MCCC2: variants seen among roughly 807,000 people sequenced by gnomAD.
MCCC2 encodes the protein methylcrotonoyl-CoA carboxylase beta chain, mitochondrial.
Under a neutral mutation model 77.2 loss-of-function variants are expected in MCCC2, and 52 were observed. The ratio of observed to expected loss-of-function variants is 0.67; its 90% CI spans 0.54 to 0.85. The LOEUF (loss-of-function observed/expected upper bound fraction) is 0.85. Among genes scored for constraint, MCCC2 ranks in the 40% least tolerant of loss-of-function variants. The pLI, the probability that MCCC2 is intolerant of heterozygous loss-of-function variation, is 0.00. For missense variants in MCCC2, 682 were observed against 703.2 expected, an observed-to-expected ratio of 0.97 and a Z score of 0.34; for synonymous variants, 253 against 248.4, an observed-to-expected ratio of 1.02 and a Z score of -0.18.
At chr5:71,595,707 T>G (rs148510162) in intron 2 of MCCC2, among the ~76,000 whole-genome samples, 7 of 152,210 alleles carry the variant, frequency 4.6e-5, no homozygotes, top group African/African-American at 1.7e-4. Flanking sequence ...ATAATTTTCT[T>G]TGTCTGTCAT....
At chr5:71,593,093 T>C in intron 2 of MCCC2, 101 bp downstream of exon 2, 1 of 1,045,624 alleles carries the variant, frequency 9.6e-7, no homozygotes. Flanking sequence ...TTTGATATTT[T>C]TTTTTTTTTT....
At chr5:71,590,690 G>A (rs1180322130) in intron 1 of MCCC2, among the ~76,000 whole-genome samples, 1 of 152,098 alleles carries the variant, frequency 6.6e-6, no homozygotes, top group East Asian at 1.9e-4. Flanking sequence ...GGTGGCGCAC[G>A]CCTGTAATCC....
chr5:71,606,104 C>T (rs1478186094), intron 6 of MCCC2, among the ~76,000 whole-genome samples: 2 of 152,098 alleles, frequency 1.3e-5, no homozygotes, highest in African/African-American at 2.4e-5. Flanking sequence ...TTTTCCAATT[C>T]TGTGAAGAAA....
At chr5:71,587,787 A>AT (rs1744821524) in intron 1 of MCCC2, among the ~76,000 whole-genome samples, 1 of 152,082 alleles carries the variant, frequency 6.6e-6, no homozygotes, top group Non-Finnish European at 1.5e-5. Context: ...CTGGTTTAGA[A>AT]TTGCCACCTG....
At chr5:71,634,901 C>T (rs747157868) in intron 8 of MCCC2, 42 bp from the exon 9 acceptor site, 3 of 1,550,544 alleles carry the variant, frequency 1.9e-6, no homozygotes, top group Non-Finnish European at 2.7e-6. Context: ...TAATTATTTT[C>T]CTTTTCCCTG....
chr5:71,594,686 T>C (rs1222441746), intron 2 of MCCC2, among the ~76,000 whole-genome samples: 1 of 151,190 alleles, frequency 6.6e-6, no homozygotes, highest in African/African-American at 2.4e-5. Context: ...GGGAAGGAGG[T>C]AGGGAGAAGG....
At chr5:71,595,913 A>T (rs115808996) in intron 2 of MCCC2, among the ~76,000 whole-genome samples, 3,814 of 152,316 alleles carry the variant, frequency 0.025, 73 homozygotes, top group South Asian at 0.073. Context: ...ACAAATGAAG[A>T]TAGGAATTTT....
At chr5:71,640,863 A>T in intron 10 of MCCC2, 140 bp from the exon 11 acceptor site, 1 of 751,674 alleles carries the variant, frequency 1.3e-6, no homozygotes, top group Non-Finnish European at 2.3e-6. Flanking sequence ...GTCAAATGAA[A>T]TTCTAGTGAG....
intron 6 of MCCC2, among the ~76,000 whole-genome samples, chr5:71,626,438 C>T: frequency 6.6e-6 from 1 of 152,180 alleles, no homozygotes; most frequent in African/African-American, 2.4e-5. Context: ...AAAAGTGAGA[C>T]ATAAGCCCTT....
intron 6 of MCCC2, among the ~76,000 whole-genome samples, chr5:71,611,917 T>C (rs1407778925): frequency 6.6e-6 from 1 of 151,744 alleles, no homozygotes; most frequent in African/African-American, 2.4e-5. Flanking sequence ...GCCTCCTGAG[T>C]AGCTGGGACT....
In MCCC2 at chr5:71,618,539, TCC is replaced by T. The variant is rs1238104709; in HGVS notation, c.625-8100_625-8099del. ...TTCCTTCCTTCCTTCCTTCCTTCCT[TCC>T]TTCCTTCCTTTCTTTCTTTCTCTTT... On this transcript the variant is annotated intron_variant, in intron 6 of 16. Transcript: ENST00000340941. Among the ~76,000 whole-genome samples, 195 of 59,960 alleles carry T rather than the reference TCC, an allele frequency of 3.3e-3. 2 individuals are homozygous for T. Among genetic ancestry groups the T allele is most frequent in the African/African-American group, 9.6e-3 (182 of 19,048 alleles). 39.3% of individuals were successfully genotyped at this position (59,960 alleles called of 152,430 possible). A position where few individuals can be genotyped will look rare whatever the true frequency, so the allele number is the denominator to read the frequency against.
intron 7 of MCCC2, among the ~76,000 whole-genome samples, chr5:71,628,604 C>A (rs1746611912): frequency 6.6e-6 from 1 of 152,182 alleles, no homozygotes. Flanking sequence ...TGTGGATATG[C>A]AGTTGTTCCA....
chr5:71,609,663 GT>G (rs1745835374), intron 6 of MCCC2, among the ~76,000 whole-genome samples: 1 of 151,256 alleles, frequency 6.6e-6, no homozygotes, highest in Admixed American at 6.6e-5. Context: ...AGAGTTTCCA[GT>G]TTTTCTGTTC....
At chr5:71,625,028 C>G (rs1165971220) in intron 6 of MCCC2, among the ~76,000 whole-genome samples, 1 of 152,072 alleles carries the variant, frequency 6.6e-6, no homozygotes, top group African/African-American at 2.4e-5. Flanking sequence ...AATTCCTCTT[C>G]CTCTGTTTCC....
At chr5:71,628,401 C>T (rs1421987736) in intron 7 of MCCC2, among the ~76,000 whole-genome samples, 2 of 152,162 alleles carry the variant, frequency 1.3e-5, no homozygotes, top group Non-Finnish European at 2.9e-5. Context: ...CCAGTTTATG[C>T]ATTTTTTCCT....
chr5:71,593,675 A>C (rs1370158435), intron 2 of MCCC2, among the ~76,000 whole-genome samples: 1 of 152,072 alleles, frequency 6.6e-6, no homozygotes, highest in African/African-American at 2.4e-5. Flanking sequence ...GGTATGAGCC[A>C]CCACACCTGG....
intron 6 of MCCC2, among the ~76,000 whole-genome samples, chr5:71,614,298 C>G (rs1018436192): frequency 6.6e-6 from 1 of 152,018 alleles, no homozygotes; most frequent in African/African-American, 2.4e-5. Flanking sequence ...GATTTTAATA[C>G]TAACCTCTCC....
intron 6 of MCCC2, among the ~76,000 whole-genome samples, chr5:71,613,738 G>GA (rs1030279181): frequency 5.9e-5 from 9 of 151,864 alleles, no homozygotes; most frequent in African/African-American, 2.2e-4. Context: ...ACTGTCTCAA[G>GA]AAAATATACA....
At chr5:71,612,284 CAT>C (rs1305129354) in intron 6 of MCCC2, among the ~76,000 whole-genome samples, 3 of 152,016 alleles carry the variant, frequency 2.0e-5, no homozygotes, top group African/African-American at 4.8e-5. Context: ...TTAAGTTTGT[CAT>C]ATTTTTATTA....
Sources: allele counts gnomAD v4.1 joint callset (sites outside exome capture counted in the v4.1 genomes callset), GRCh38; gene constraint gnomAD v4.1.1; transcripts MANE v1.5; gene names NCBI Gene and HGNC (gene_info 2026-07-23, HGNC 2026-07-21).